C12orf42: variants seen among roughly 807,000 people sequenced by gnomAD.
C12orf42 encodes the protein uncharacterized protein C12orf42.
In C12orf42, 25 loss-of-function variants were observed where a neutral mutation model predicts 21.6. The observed-to-expected ratio is 1.16, with a 90% CI of 0.84 to 1.62. The LOEUF is 1.62. Ranked by LOEUF, C12orf42 falls within the 40% of genes most tolerant of loss-of-function variation. The pLI, the probability that C12orf42 is intolerant of heterozygous loss-of-function variation, is 0.00. For synonymous variants in C12orf42, 174 were observed against 175.0 expected (o/e 0.99, Z 0.05); for missense variants, 483 against 459.3 (o/e 1.05, Z -0.47).
chr12:103,381,984 A>G (rs1260964749), intron 3 of C12orf42, among the ~76,000 whole-genome samples: 1 of 152,138 alleles, frequency 6.6e-6, no homozygotes, highest in Non-Finnish European at 1.5e-5. Context: ...GAAGATAATA[A>G]TAGTCTCTAC....
At chr12:103,441,245 G>T (rs1951221677) in intron 2 of C12orf42, among the ~76,000 whole-genome samples, 1 of 152,068 alleles carries the variant, frequency 6.6e-6, no homozygotes, top group African/African-American at 2.4e-5. Flanking sequence ...GAAGGGGGAG[G>T]AAATTTACAT....
intron 1 of C12orf42, among the ~76,000 whole-genome samples, chr12:103,487,390 T>A (rs1373993142): frequency 2.0e-5 from 3 of 152,216 alleles, no homozygotes; most frequent in Admixed American, 6.5e-5. Context: ...TGATCAATTT[T>A]AGAGTAAGTG....
Position 103,367,016 on chromosome 12 carries a change from C to T in C12orf42, c.259+1871G>A, listed in dbSNP as rs1817423906. Among the ~76,000 whole-genome samples, 3 of 152,116 alleles carry T rather than the reference C, an allele frequency of 2.0e-5. No homozygotes were observed. In the South Asian group the frequency reaches 6.2e-4, roughly 32 times the overall value. Reference sequence around the variant, plus strand: ...TCTTGGACATGCTTGTTTATATAAGCACAATTCACAGTTGCAAAAATGTGG... The same window carrying T: ...TCTTGGACATGCTTGTTTATATAAGTACAATTCACAGTTGCAAAAATGTGG... On this transcript the variant is annotated intron_variant, in intron 4 of 5. Coordinates refer to ENST00000548883, the MANE Select transcript of C12orf42 (RefSeq NM_198521.5).
At chr12:103,058,799 G>C in the C12orf42 span, among the ~76,000 whole-genome samples, 1 of 151,978 alleles carries the variant, frequency 6.6e-6, no homozygotes, top group South Asian at 2.1e-4. Flanking sequence ...AAAAAGACAA[G>C]GTACCAGAAT....
the C12orf42 span, among the ~76,000 whole-genome samples, chr12:103,227,101 G>C: frequency 6.6e-6 from 1 of 152,132 alleles, no homozygotes; most frequent in East Asian, 1.9e-4. Context: ...GAGGTTTTAA[G>C]TTTTTGAGAA....
At chr12:103,358,623 C>CA (rs1442116564) in intron 4 of C12orf42, among the ~76,000 whole-genome samples, 3 of 150,048 alleles carry the variant, frequency 2.0e-5, no homozygotes, top group African/African-American at 7.4e-5. Context: ...AAAAAAAAAA[C>CA]AAAAAAACTC....
At chr12:103,407,238 T>G (rs1368902529) in intron 2 of C12orf42, among the ~76,000 whole-genome samples, 1 of 152,126 alleles carries the variant, frequency 6.6e-6, no homozygotes, top group African/African-American at 2.4e-5. Context: ...AAAAAGAGAC[T>G]GGCATTGCAT....
chr12:103,522,538 G>A, the C12orf42 span, among the ~76,000 whole-genome samples: 25 of 152,084 alleles, frequency 1.6e-4, no homozygotes, highest in Non-Finnish European at 3.2e-4. Flanking sequence ...CCTGACACAC[G>A]TGCAAACCTG....
At chr12:103,254,150 T>A (rs1395550117) in intron 10 of C12orf42, among the ~76,000 whole-genome samples, 17 of 152,286 alleles carry the variant, frequency 1.1e-4, no homozygotes. Context: ...AGTTAATTTT[T>A]GTATAAGGTG....
chr12:103,354,728 TG>T (rs1446189464), intron 4 of C12orf42, among the ~76,000 whole-genome samples: 59 of 152,228 alleles, frequency 3.9e-4, no homozygotes, highest in African/African-American at 1.4e-3. Context: ...AATATTGTTT[TG>T]TTTTGTTTTG....
intron 3 of C12orf42, among the ~76,000 whole-genome samples, chr12:103,387,880 G>T (rs918574243): frequency 1.3e-5 from 2 of 152,122 alleles, no homozygotes; most frequent in African/African-American, 4.8e-5. Flanking sequence ...TTTTCTAACT[G>T]ATATTCCCTT....
chr12:103,214,340 G>A, the C12orf42 span, among the ~76,000 whole-genome samples: 2 of 152,152 alleles, frequency 1.3e-5, no homozygotes, highest in African/African-American at 4.8e-5. Flanking sequence ...CTATTCAGAT[G>A]CTTCACGAAG....
the C12orf42 span, among the ~76,000 whole-genome samples, chr12:103,073,588 G>T: frequency 6.6e-5 from 10 of 152,110 alleles, no homozygotes; most frequent in East Asian, 1.9e-3. Context: ...GAGAGAATTT[G>T]CAGAGATATT....
At chr12:103,399,146 A>G (rs1274960746) in intron 3 of C12orf42, among the ~76,000 whole-genome samples, 1 of 151,848 alleles carries the variant, frequency 6.6e-6, no homozygotes, top group African/African-American at 2.4e-5. Context: ...TTAATAATTT[A>G]TATATTTTAA....
At chr12:103,525,281 G>T in the C12orf42 span, among the ~76,000 whole-genome samples, 417 of 152,242 alleles carry the variant, frequency 2.7e-3, 6 homozygotes, top group African/African-American at 9.8e-3. Context: ...CCTCTTGCCT[G>T]TGCCTCCCAA....
intron 2 of C12orf42, among the ~76,000 whole-genome samples, chr12:103,438,761 T>C (rs1950951067): frequency 6.6e-6 from 1 of 151,690 alleles, no homozygotes; most frequent in Non-Finnish European, 1.5e-5. Context: ...TCAAAGAGGA[T>C]ACAAACAAAT....
At chr12:103,542,419 C>T in the C12orf42 span, among the ~76,000 whole-genome samples, 9 of 152,132 alleles carry the variant, frequency 5.9e-5, no homozygotes, top group African/African-American at 1.2e-4. Flanking sequence ...AACAGATGCC[C>T]GGAAAGACTT....
intron 2 of C12orf42, among the ~76,000 whole-genome samples, chr12:103,475,321 AG>A (rs1320597707): frequency 6.6e-6 from 1 of 152,220 alleles, no homozygotes; most frequent in East Asian, 1.9e-4. Context: ...TCAATGTTCT[AG>A]TCAAACATGC....
At chr12:103,289,707 T>G (rs1309003652) in intron 4 of C12orf42, among the ~76,000 whole-genome samples, 1 of 152,148 alleles carries the variant, frequency 6.6e-6, no homozygotes, top group Non-Finnish European at 1.5e-5. Flanking sequence ...AACAGTTCAT[T>G]GTGATGGGGG....
Sources: gnomAD v4.1 joint callset for allele counts (sites outside exome capture counted in the v4.1 genomes callset) on GRCh38, gnomAD v4.1.1 for gene constraint, MANE v1.5 for transcripts, NCBI Gene and HGNC (gene_info 2026-07-23, HGNC 2026-07-21) for gene names.